The following CHIT1 variants were observed in gnomAD, a reference collection of about 807,000 sequenced individuals.
CHIT1 encodes the protein chitotriosidase-1.
A neutral mutation model predicts 52.0 loss-of-function variants in CHIT1; 47 were observed. That is an observed-to-expected ratio of 0.90 (90% CI 0.71 to 1.15). The LOEUF is 1.15. Among genes scored for constraint, CHIT1 ranks in the 50% most tolerant of loss-of-function variants. The pLI, the probability that CHIT1 is intolerant of heterozygous loss-of-function variation, is 0.00. For missense variants in CHIT1, 569 were observed against 583.0 expected, an observed-to-expected ratio of 0.98 and a Z score of 0.25; for synonymous variants, 242 against 228.2, an observed-to-expected ratio of 1.06 and a Z score of -0.54.
chr1:203,216,641 A>G lies in CHIT1; in HGVS notation c.*248T>C, dbSNP rs1175445383. ...TTTGGAGTCAACAGTGTGCTTAGAG[A>G]GCCTCTTAAGTCACCACATCTTTGG... On this transcript the variant is annotated 3_prime_UTR_variant, in exon 11 of 11. Coordinates refer to ENST00000367229, the MANE Select transcript of CHIT1 (RefSeq NM_003465.3). 1 of 592,986 alleles carries G rather than the reference A, an allele frequency of 1.7e-6. No individual in the cohort carries two copies. The highest frequency in any genetic ancestry group is 1.8e-5 in the African/African-American group (1 of 54,602). The allele number at this position is 592,986 out of a possible 1,614,324, so 36.7% of individuals were successfully genotyped here.
intron 7 of CHIT1, 121 bp downstream of exon 7, chr1:203,222,080 AG>A (rs1473198101): frequency 4.3e-6 from 6 of 1,390,204 alleles, no homozygotes; most frequent in Middle Eastern, 5.0e-4. Flanking sequence ...GAAACAAAAA[AG>A]CTTCTTGTTT....
At chr1:203,218,373 G>T (rs1169284595) in intron 9 of CHIT1, among the ~76,000 whole-genome samples, 1 of 152,160 alleles carries the variant, frequency 6.6e-6, no homozygotes, top group Non-Finnish European at 1.5e-5. Flanking sequence ...GGGTATGACT[G>T]TGTGTTCCCT....
intron 7 of CHIT1, among the ~76,000 whole-genome samples, chr1:203,221,360 A>G (rs1032420454): frequency 6.6e-6 from 1 of 152,190 alleles, no homozygotes; most frequent in Non-Finnish European, 1.5e-5. Context: ...TAGGCTGGGC[A>G]TGTTGGCTTG....
At position 203,216,428 on chromosome 1, in the gene CHIT1, A is replaced by G. The variant is rs1558157156; in HGVS notation, c.*461T>C. ...TAACACGTGCGTGAAGGTCCGCAGA[A>G]GCTCCTGTTTCCAGGCTTCTGAGCC... On this transcript the variant is annotated 3_prime_UTR_variant, in exon 11 of 11. Coordinates refer to ENST00000367229, the MANE Select transcript of CHIT1 (RefSeq NM_003465.3). 1 of 454,704 alleles carries G rather than the reference A, an allele frequency of 2.2e-6. No individual in the cohort carries two copies. Among genetic ancestry groups the G allele is most frequent in the South Asian group, 1.6e-5 (1 of 64,480 alleles). 28.2% of individuals were successfully genotyped at this position (454,704 alleles called of 1,614,324 possible).
chr1:203,216,897 AG>A lies in CHIT1; in HGVS notation c.1392del (p.Trp465GlyfsTer13). 18 of 1,614,142 alleles carry A rather than the reference AG, an allele frequency of 1.1e-5. No homozygotes were observed. The highest frequency in any genetic ancestry group is 1.5e-5 in the Non-Finnish European group (18 of 1,180,032). ...GGAGGGGCTTTAGCGACTCAATTCC[AG>A]GTGCAGCATTTGCAGGAGTTGCTGA... ...LVFSNSCKCC[T>X]WN On this transcript the variant is annotated frameshift_variant, in exon 11 of 11. Transcript: ENST00000367229. LOFTEE classifies it high-confidence loss of function.
At position 203,225,829 on chromosome 1, in the gene CHIT1, G is replaced by C. The variant is rs1400481222; in HGVS notation, c.97C>G (p.Gln33Glu). 6.2e-7 allele frequency: 1 copy of C among 1,614,176 alleles called. No individual in the cohort carries two copies. The highest frequency in any genetic ancestry group is 1.7e-5 in the Admixed American group (1 of 60,022). Residue 33 changes from glutamine to glutamate, a missense_variant, in exon 3 of 11, where the codon CAG (glutamine) becomes GAG (glutamate). Gln to Glu is a conservative substitution (Grantham distance 29). Transcript: ENST00000367229. ...KLVCYFTNWA[Q>E]YRQGEARFLP... Reference sequence around the variant, plus strand: ...AAGCGAGCCTCCCCCTGTCTGTACTGGGCCCAGTTGGTGAAGTAGCAGACC... The same window carrying C: ...AAGCGAGCCTCCCCCTGTCTGTACTCGGCCCAGTTGGTGAAGTAGCAGACC...
At chr1:203,225,532 G>A in intron 3 of CHIT1, 137 bp downstream of exon 3, 1 of 838,618 alleles carries the variant, frequency 1.2e-6, no homozygotes, top group Non-Finnish European at 2.0e-6. Context: ...AGAGCCCAGA[G>A]AGGTGATACA....
At chr1:203,221,704 C>T (rs901267165) in intron 7 of CHIT1, among the ~76,000 whole-genome samples, 1 of 152,146 alleles carries the variant, frequency 6.6e-6, no homozygotes, top group African/African-American at 2.4e-5. Context: ...CCAACCTACC[C>T]TAGTCTAAAA....
Position 203,223,514 on chromosome 1 carries a change from C to T in CHIT1, c.461G>A (p.Arg154His), listed in dbSNP as rs568595374. The change falls in exon 5 of 11, where the codon CGC becomes CAC. Residue 154 changes from arginine to histidine, a missense_variant. Coordinates refer to ENST00000367229, the MANE Select transcript of CHIT1 (RefSeq NM_003465.3). ...CCATACCTGTACCAGGGTTGTGAAG[C>T]GCTCCTTGTCTACGGCAGGGCTCCC... ...SQGSPAVDKERFTTLVQDLAN... is the reference protein window; with the variant it reads ...SQGSPAVDKEHFTTLVQDLAN... The T allele has an allele frequency of 1.1e-4, 177 of 1,614,170 alleles. 1 individual carries two copies. The highest frequency in any genetic ancestry group is 6.6e-4 in the Middle Eastern group (4 of 6,048).
chr1:203,223,440 G>T, intron 5 of CHIT1, 55 bp downstream of exon 5: 1 of 1,607,900 alleles, frequency 6.2e-7, no homozygotes, highest in Non-Finnish European at 8.5e-7. Flanking sequence ...TGCTGTGGGG[G>T]CTCCAGCTCT....
chr1:203,220,295 T>C (rs1020734422), intron 7 of CHIT1, among the ~76,000 whole-genome samples: 1 of 152,226 alleles, frequency 6.6e-6, no homozygotes, highest in African/African-American at 2.4e-5. Context: ...AAGGTTATAA[T>C]GCATGTAAAA....
chr1:203,222,256 G>T lies in CHIT1; in HGVS notation c.675C>A (p.Asn225Lys). ...CTTCTTGCCTCTTGTAGAGGGGGCT[G>T]TTATGTCCCGTGACCTTCTCCCAAG... ...HGSWEKVTGH[N>K]SPLYKRQEES... The change falls in exon 7 of 11, where the codon AAC becomes AAA. Residue 225 changes from asparagine to lysine, a missense_variant. Physicochemically the swap from Asn to Lys is moderately conservative, Grantham distance 94 (BLOSUM62 0). Transcript: ENST00000367229. 8 of 1,614,228 alleles carry T rather than the reference G, an allele frequency of 5.0e-6. No homozygotes were observed. The highest frequency in any genetic ancestry group is 6.8e-6 in the Non-Finnish European group (8 of 1,180,038).
At chr1:203,228,212 C>T (rs200654175) in intron 2 of CHIT1, among the ~76,000 whole-genome samples, 1 of 152,208 alleles carries the variant, frequency 6.6e-6, no homozygotes, top group Admixed American at 6.5e-5. Flanking sequence ...AGAGGCAGTA[C>T]TGTACTGTAA....
Position 203,217,004 on chromosome 1 carries a change from G to A in CHIT1, c.1286C>T (p.Pro429Leu). The A allele has an allele frequency of 6.2e-7, 1 of 1,614,230 alleles. No individual in the cohort carries two copies. The highest frequency in any genetic ancestry group is 8.5e-7 in the Non-Finnish European group (1 of 1,180,054). Residue 429 changes from proline (P) to leucine (L), a missense_variant, in exon 11 of 11, where the codon CCC (proline) becomes CTC (leucine). By Grantham distance (98) the Pro-to-Leu change is moderately conservative (BLOSUM62 -3). Coordinates refer to ENST00000367229, the MANE Select transcript of CHIT1 (RefSeq NM_003465.3). ...FCQGKADGLY[P>L]NPRERSSFYS... is the part of the protein sequence containing the mutation. The stretch of plus-strand genomic sequence containing the variant: ...GAAGCTGGACCGTTCCCGAGGATTG[G>A]GATAGAGCCCATCAGCTTTGCCCTG...
rs200338489 is a variant in CHIT1, at chr1:203,219,778, G to A, written c.801C>T (p.Tyr267=). Residue 267 remains tyrosine, a synonymous_variant, in exon 8 of 11, where the codon TAC becomes TAT. Coordinates refer to ENST00000367229, the MANE Select transcript of CHIT1 (RefSeq NM_003465.3). Reference sequence around the variant, plus strand: ...AGGAGGCCAGTGTGAAGGAGCGTCCGTAGGTAGGCATGCCAAGGATCAGCT... The same window carrying A: ...AGGAGGCCAGTGTGAAGGAGCGTCCATAGGTAGGCATGCCAAGGATCAGCT... The part of the protein sequence containing the change: ...ASKLILGMPT[Y]GRSFTLASSS... The A allele has an allele frequency of 3.8e-5, 61 of 1,613,388 alleles. 1 individual carries two copies. Among genetic ancestry groups the A allele is most frequent in the East Asian group, 3.1e-4 (14 of 44,880 alleles).
intron 3 of CHIT1, 98 bp from the exon 4 acceptor site, chr1:203,225,202 G>T (rs1432573633): frequency 1.8e-6 from 2 of 1,093,348 alleles, no homozygotes; most frequent in South Asian, 1.3e-5. Flanking sequence ...GGGTGGGGAC[G>T]TGTGAAAGTG....
intron 2 of CHIT1, among the ~76,000 whole-genome samples, chr1:203,226,933 T>C (rs781291241): frequency 3.9e-5 from 6 of 152,206 alleles, no homozygotes; most frequent in Non-Finnish European, 7.3e-5. Flanking sequence ...TCTCAATCTA[T>C]GATGGTGTGG....
At chr1:203,222,892 A>G (rs2102237617) in intron 6 of CHIT1, among the ~76,000 whole-genome samples, 1 of 152,302 alleles carries the variant, frequency 6.6e-6, no homozygotes, top group East Asian at 1.9e-4. Context: ...AAGAGGACAG[A>G]GATCCAAAAT....
Position 203,225,757 on chromosome 1 carries a change from C to A in CHIT1, c.169G>T (p.Ala57Ser), listed in dbSNP as rs200630872. The change falls in exon 3 of 11, where the codon GCC becomes TCC. Residue 57 changes from alanine (A) to serine (S), a missense_variant. Ala to Ser is a moderately conservative substitution (Grantham distance 99, BLOSUM62 1). Transcript: ENST00000367229. Reference protein sequence around the residue: ...DPSLCTHLIYAFAGMTNHQLS... With the variant: ...DPSLCTHLIYSFAGMTNHQLS... ...TGGTGGTTGGTCATGCCAGCGAAGG[C>A]GTAGATGAGGTGGGTGCAAAGGCTG... The A allele has an allele frequency of 3.7e-6, 6 of 1,614,000 alleles. No individual in the cohort carries two copies. The East Asian group carries it at 1.1e-4, about 30-fold the overall frequency.
Sources: allele counts gnomAD v4.1 joint callset (sites outside exome capture counted in the v4.1 genomes callset), GRCh38; gene constraint gnomAD v4.1.1; transcripts MANE v1.5; gene names NCBI Gene and HGNC (gene_info 2026-07-23, HGNC 2026-07-21).